Variants in CALN1 observed in about 807,000 individuals in gnomAD.
CALN1 encodes calcium-binding protein 8.
A neutral mutation model predicts 30.6 loss-of-function variants in CALN1; 17 were observed. The ratio of observed to expected loss-of-function variants is 0.56; its 90% CI spans 0.38 to 0.83. CALN1 has a LOEUF of 0.83. CALN1 is among the 40% of genes least tolerant of loss of function. The pLI, the probability that CALN1 is intolerant of heterozygous loss-of-function variation, is 0.00. For synonymous variants in CALN1, 156 were observed against 131.4 expected (o/e 1.19, Z -1.28); for missense variants, 291 against 354.9 (o/e 0.82, Z 1.45).
chr7:72,438,553 G>A (rs1808248764), intron 1 of CALN1, among the ~76,000 whole-genome samples: 2 of 152,158 alleles, frequency 1.3e-5, no homozygotes, highest in South Asian at 4.1e-4. Context: ...CCCTTCCCAT[G>A]AGAATAGACC....
chr7:72,256,411 G>C (rs1404515260), intron 3 of CALN1, among the ~76,000 whole-genome samples: 2 of 152,046 alleles, frequency 1.3e-5, no homozygotes, highest in Non-Finnish European at 2.9e-5. Context: ...TGTGAACTAT[G>C]ATCATGCCAC....
intron 4 of CALN1, among the ~76,000 whole-genome samples, chr7:72,042,553 G>C (rs540636320): frequency 2.0e-5 from 3 of 152,200 alleles, no homozygotes; most frequent in South Asian, 2.1e-4. Flanking sequence ...CTCTCTGCCT[G>C]GCATGTACTC....
intron 2 of CALN1, among the ~76,000 whole-genome samples, chr7:72,379,687 C>A (rs1247868885): frequency 6.6e-6 from 1 of 152,266 alleles, no homozygotes; most frequent in Non-Finnish European, 1.5e-5. Context: ...GAGTTTTCTT[C>A]ACACTGCTTG....
the CALN1 span, among the ~76,000 whole-genome samples, chr7:72,478,704 C>T: frequency 6.6e-6 from 1 of 151,922 alleles, no homozygotes; most frequent in African/African-American, 2.4e-5. Flanking sequence ...CTCTGTTATG[C>T]AGAAATGAAC....
intron 3 of CALN1, among the ~76,000 whole-genome samples, chr7:72,219,220 T>C (rs773011917): frequency 2.0e-5 from 3 of 151,718 alleles, no homozygotes; most frequent in Non-Finnish European, 2.9e-5. Flanking sequence ...CAAATGCCCG[T>C]CATTTTTTCT....
At chr7:72,029,140 T>C (rs1196267381) in intron 4 of CALN1, among the ~76,000 whole-genome samples, 1 of 152,086 alleles carries the variant, frequency 6.6e-6, no homozygotes, top group Non-Finnish European at 1.5e-5. Context: ...TTTTTTTTTC[T>C]TTTTGAGACA....
intron 2 of CALN1, among the ~76,000 whole-genome samples, chr7:72,310,034 G>A (rs1343199701): frequency 6.6e-6 from 1 of 152,094 alleles, no homozygotes; most frequent in Non-Finnish European, 1.5e-5. Flanking sequence ...TGCCCTCCAT[G>A]TCTTCATTCT....
At chr7:71,841,045 G>A (rs143410587) in intron 5 of CALN1, among the ~76,000 whole-genome samples, 2 of 152,180 alleles carry the variant, frequency 1.3e-5, no homozygotes, top group East Asian at 3.9e-4. Flanking sequence ...TCTTAGTGGA[G>A]ACGTTTTGCA....
At chr7:72,315,696 C>T (rs965244151) in intron 2 of CALN1, among the ~76,000 whole-genome samples, 1 of 151,106 alleles carries the variant, frequency 6.6e-6, no homozygotes. Context: ...CACAGTGAGA[C>T]CCTGTCTCTA....
At chr7:71,937,424 GTATGTA>G (rs1795900319) in intron 5 of CALN1, among the ~76,000 whole-genome samples, 1 of 91,306 alleles carries the variant, frequency 1.1e-5, no homozygotes, top group South Asian at 3.0e-4. Context: ...ATATAAATAT[GTATGTA>G]TATGTATATA....
chr7:72,142,755 T>G (rs1810047898), intron 3 of CALN1, among the ~76,000 whole-genome samples: 1 of 152,112 alleles, frequency 6.6e-6, no homozygotes, highest in Admixed American at 6.5e-5. Context: ...CTCACACGGC[T>G]GGGTACCCCT....
At chr7:71,795,413 C>T (rs1364425467) in intron 6 of CALN1, among the ~76,000 whole-genome samples, 4 of 152,116 alleles carry the variant, frequency 2.6e-5, no homozygotes, top group African/African-American at 9.7e-5. Flanking sequence ...AGGGCCTGCT[C>T]CTTGTGTTTA....
intron 3 of CALN1, among the ~76,000 whole-genome samples, chr7:72,166,026 A>C (rs954967605): frequency 1.3e-5 from 2 of 152,112 alleles, no homozygotes; most frequent in African/African-American, 4.8e-5. Flanking sequence ...CTCCTTTCTC[A>C]TGCTTTGCTA....
intron 5 of CALN1, among the ~76,000 whole-genome samples, chr7:71,921,980 C>T (rs572391143): frequency 7.9e-4 from 120 of 152,274 alleles, no homozygotes; most frequent in African/African-American, 2.8e-3. Context: ...TTCCATTAGG[C>T]AACAATGAGT....
intron 2 of CALN1, among the ~76,000 whole-genome samples, chr7:72,386,171 C>T (rs891983771): frequency 6.6e-6 from 1 of 152,152 alleles, no homozygotes; most frequent in African/African-American, 2.4e-5. Flanking sequence ...ATTGTGGATA[C>T]ATGACAATAT....
intron 1 of CALN1, among the ~76,000 whole-genome samples, chr7:72,403,824 G>A (rs1224544281): frequency 6.6e-6 from 1 of 152,144 alleles, no homozygotes; most frequent in Non-Finnish European, 1.5e-5. Flanking sequence ...TTTCCTTGCT[G>A]CTGACACCAG....
At chr7:71,998,309 G>A (rs565432145) in intron 5 of CALN1, among the ~76,000 whole-genome samples, 3 of 152,218 alleles carry the variant, frequency 2.0e-5, no homozygotes, top group African/African-American at 7.2e-5. Flanking sequence ...TCAAGGAGGA[G>A]GAAGAAATAA....
At chr7:71,932,087 GT>G (rs1226090148) in intron 5 of CALN1, among the ~76,000 whole-genome samples, 2 of 152,216 alleles carry the variant, frequency 1.3e-5, no homozygotes, top group African/African-American at 2.4e-5. Context: ...GCCACTGGAG[GT>G]AGCCGCCTTG....
chr7:72,348,920 T>C (rs947139874), intron 2 of CALN1, among the ~76,000 whole-genome samples: 2 of 151,678 alleles, frequency 1.3e-5, no homozygotes, highest in Non-Finnish European at 2.9e-5. Flanking sequence ...GAAGGAAAAA[T>C]AACAATGGCA....
Sources: gnomAD v4.1 joint callset for allele counts (sites outside exome capture counted in the v4.1 genomes callset) on GRCh38, gnomAD v4.1.1 for gene constraint, MANE v1.5 for transcripts, NCBI Gene and HGNC (gene_info 2026-07-23, HGNC 2026-07-21) for gene names.